OVCH1: variants seen among roughly 807,000 people sequenced by gnomAD.
OVCH1 encodes ovochymase-1.
OVCH1 carries 139 observed loss-of-function variants against 138.4 expected under a neutral mutation model. That is an observed-to-expected ratio of 1.00 (90% confidence interval 0.87 to 1.16). OVCH1 has a LOEUF of 1.16. Among genes scored for constraint, OVCH1 ranks in the 50% most tolerant of loss-of-function variants. The pLI, the probability that OVCH1 is intolerant of heterozygous loss-of-function variation, is 0.00. For missense variants in OVCH1, 1,367 were observed against 1,357.9 expected (o/e 1.01, Z -0.11); for synonymous variants, 453 against 467.8 (o/e 0.97, Z 0.41).
At chr12:29,453,846 C>A (rs1376358409) in intron 21 of OVCH1, among the ~76,000 whole-genome samples, 2 of 152,100 alleles carry the variant, frequency 1.3e-5, no homozygotes, top group African/African-American at 2.4e-5. Context: ...TAACTGGGGG[C>A]ATTTTGCTCT....
At chr12:29,464,575 G>C (rs1205534640) in exon 18 of OVCH1, 2 of 1,613,640 alleles carry the variant, frequency 1.2e-6, no homozygotes, top group Admixed American at 3.3e-5. Flanking sequence ...TGCGCTGTGT[G>C]GGAGACATAC....
At chr12:29,470,422 T>C (rs1340365606) in intron 16 of OVCH1, among the ~76,000 whole-genome samples, 7 of 152,036 alleles carry the variant, frequency 4.6e-5, no homozygotes, top group Admixed American at 4.6e-4. Flanking sequence ...CCTGTGTCCA[T>C]GTGTTCTCAT....
At chr12:29,443,151 C>T (rs1019810871) in intron 25 of OVCH1, among the ~76,000 whole-genome samples, 3 of 151,954 alleles carry the variant, frequency 2.0e-5, no homozygotes, top group Non-Finnish European at 2.9e-5. Flanking sequence ...ATGTAAGAAA[C>T]GTTGTTGGAC....
intron 4 of OVCH1, among the ~76,000 whole-genome samples, chr12:29,492,717 T>C (rs1034837736): frequency 1.3e-5 from 2 of 152,108 alleles, no homozygotes; most frequent in Admixed American, 1.3e-4. Context: ...TAGATTTAGA[T>C]GTTTAAATTA....
At position 29,445,276 on chromosome 12, in the gene OVCH1, A is replaced by T. The variant is rs1321832690; in HGVS notation, c.2881+2T>A. 2 of 1,607,186 alleles carry T rather than the reference A, an allele frequency of 1.2e-6. No homozygotes were observed. Among genetic ancestry groups the T allele is most frequent in the Non-Finnish European group, 1.7e-6 (2 of 1,176,136 alleles). On this transcript the variant is annotated splice_donor_variant, in intron 23 of 27. Transcript: ENST00000318184. LOFTEE classifies it high-confidence loss of function. ...ACAAGTTTATAAAATAACCAAACAT[A>T]CCTAGGACTTTCAAGACAATATAGC...
At position 29,430,902 on chromosome 12, in the gene OVCH1, A is replaced by G. The variant is rs746623737; in HGVS notation, c.3327+2849T>C. On this transcript the variant is annotated intron_variant, in intron 27 of 27. Transcript: ENST00000318184. ...CTTCTCCATGTGGCCTTTTCCCAGT[A>G]CCTCTAGCTGCCCTCCCAGAGTACC... 24 of 518,350 alleles carry G rather than the reference A, an allele frequency of 4.6e-5. No homozygotes were observed. In the Admixed American group the frequency reaches 4.7e-4, roughly 10 times the overall value. The allele number at this position is 518,350 out of a possible 1,614,324, so 32.1% of individuals were successfully genotyped here.
At position 29,445,412 on chromosome 12, in the gene OVCH1, A is replaced by G. The variant is rs1290749816; in HGVS notation, c.2756-9T>C. ...TCTTCCATGTAATCCACCTAGGTTA[A>G]AAAGTGAACTCTAGTAAAAAATAAG... On this transcript the variant is annotated splice_polypyrimidine_tract_variant and intron_variant, in intron 22 of 27. Transcript: ENST00000318184. The G allele has an allele frequency of 6.3e-7, 1 of 1,596,174 alleles. No homozygotes were observed. The highest frequency in any genetic ancestry group is 8.5e-7 in the Non-Finnish European group (1 of 1,172,674).
At chr12:29,415,566 A>C (rs1941021530) in intron 3 of OVCH1, among the ~76,000 whole-genome samples, 1 of 152,222 alleles carries the variant, frequency 6.6e-6, no homozygotes, top group Non-Finnish European at 1.5e-5. Context: ...AACCACAATG[A>C]AGACAATGCA....
intron 6 of OVCH1, among the ~76,000 whole-genome samples, chr12:29,488,289 C>T (rs12230945): frequency 0.41 from 61,453 of 151,730 alleles, 12,713 homozygotes; most frequent in East Asian, 0.55. Flanking sequence ...AGTGAATAGA[C>T]CCCTCAAGAT....
chr12:29,404,304 G>T, the OVCH1 span, among the ~76,000 whole-genome samples: 1 of 152,116 alleles, frequency 6.6e-6, no homozygotes, highest in Non-Finnish European at 1.5e-5. Flanking sequence ...TTCCCATGCC[G>T]GGCACATTGC....
exon 6 of OVCH1, chr12:29,489,633 A>G: frequency 6.2e-7 from 1 of 1,607,158 alleles, no homozygotes; most frequent in Non-Finnish European, 8.5e-7. Flanking sequence ...GCAGGCGTCC[A>G]TTCCCCAATC....
At chr12:29,455,438 T>A in intron 19 of OVCH1, 33 bp from the exon 20 acceptor site, 1 of 1,566,500 alleles carries the variant, frequency 6.4e-7, no homozygotes, top group Non-Finnish European at 8.6e-7. Context: ...TTTAGAAAAC[T>A]GCTTTAATCT....
intron 26 of OVCH1, among the ~76,000 whole-genome samples, chr12:29,435,389 C>T (rs536129178): frequency 1.3e-4 from 20 of 152,156 alleles, no homozygotes; most frequent in Admixed American, 8.5e-4. Flanking sequence ...TTTTTTGAGA[C>T]GGAGTCTCGC....
chr12:29,418,369 GAATC>G (rs1433888331), intron 3 of OVCH1, among the ~76,000 whole-genome samples: 1 of 152,104 alleles, frequency 6.6e-6, no homozygotes, highest in African/African-American at 2.4e-5. Context: ...CATAGGAAAA[GAATC>G]AAAATTAAAA....
intron 22 of OVCH1, among the ~76,000 whole-genome samples, chr12:29,447,797 A>G (rs1941661100): frequency 6.6e-6 from 1 of 152,092 alleles, no homozygotes; most frequent in African/African-American, 2.4e-5. Flanking sequence ...TGTGGGAAGG[A>G]ATGGATGATG....
intron 3 of OVCH1, among the ~76,000 whole-genome samples, chr12:29,417,833 C>T (rs1941053020): frequency 6.6e-6 from 1 of 151,848 alleles, no homozygotes; most frequent in Non-Finnish European, 1.5e-5. Context: ...AGAGATTACA[C>T]TGTACAGCCA....
At chr12:29,469,730 CGG>C (rs1035921309) in intron 16 of OVCH1, among the ~76,000 whole-genome samples, 1 of 149,152 alleles carries the variant, frequency 6.7e-6, no homozygotes, top group Non-Finnish European at 1.5e-5. Flanking sequence ...AAAAAAAAGT[CGG>C]GCATGGTGGC....
At chr12:29,427,495 C>G, downstream of OVCH1, 1 of 1,533,904 alleles carries the variant, frequency 6.5e-7, no homozygotes, top group Non-Finnish European at 8.8e-7. Flanking sequence ...TGATTGAGGA[C>G]GTGAAACTTG....
intron 23 of OVCH1, 52 bp from the exon 24 acceptor site, chr12:29,444,332 C>A: frequency 6.4e-7 from 1 of 1,552,686 alleles, no homozygotes; most frequent in Non-Finnish European, 8.8e-7. Context: ...TTTTAACAGG[C>A]TTCCTATATG....
Sources: gnomAD v4.1 joint callset for allele counts (sites outside exome capture counted in the v4.1 genomes callset) on GRCh38, gnomAD v4.1.1 for gene constraint, MANE v1.5 for transcripts, NCBI Gene and HGNC (gene_info 2026-07-23, HGNC 2026-07-21) for gene names.